The following ERBB4 variants were observed in gnomAD, a reference collection of about 807,000 sequenced individuals.
ERBB4 encodes the protein erb-b2 receptor tyrosine kinase 4, also known as receptor tyrosine-protein kinase erbB-4.
A neutral mutation model predicts 158.0 loss-of-function variants in ERBB4; 42 were observed. That is an observed-to-expected ratio of 0.27 (90% CI 0.21 to 0.34). ERBB4 has a LOEUF of 0.34. Among genes scored for constraint, ERBB4 ranks in the 10% least tolerant of loss-of-function variants. The pLI, the probability that ERBB4 is intolerant of heterozygous loss-of-function variation, is 1.00. For missense variants in ERBB4, 1,333 were observed against 1,624.1 expected (o/e 0.82, Z 3.08); for synonymous variants, 583 against 558.7 (o/e 1.04, Z -0.61).
At position 212,324,323 on chromosome 2, in the gene ERBB4, G is replaced by A. The variant is rs567871421; in HGVS notation, c.83-199420C>T. 2.0e-5 allele frequency among the ~76,000 whole-genome samples: 3 copies of A among 150,736 alleles called. No individual in the cohort carries two copies. In the South Asian group the frequency reaches 6.4e-4, roughly 32 times the overall value. ...GTCTCAGTTCAGACATTCACTTGGT[G>A]ATGATGTCATGGACTGAACCAAGAG... On this transcript the variant is annotated intron_variant, in intron 1 of 27. Transcript: ENST00000342788.
intron 2 of ERBB4, among the ~76,000 whole-genome samples, chr2:212,112,392 T>G (rs1485366663): frequency 6.6e-6 from 1 of 152,140 alleles, no homozygotes; most frequent in Non-Finnish European, 1.5e-5. Flanking sequence ...GTCCCCAAAT[T>G]TTGTGGCTCT....
chr2:212,365,566 G>A (rs1317357684), intron 1 of ERBB4, among the ~76,000 whole-genome samples: 2 of 151,658 alleles, frequency 1.3e-5, no homozygotes, highest in South Asian at 2.1e-4. Context: ...TTCATTTCAA[G>A]CCTAATTTTA....
At chr2:212,237,732 G>C (rs1221553543) in intron 1 of ERBB4, among the ~76,000 whole-genome samples, 1 of 152,212 alleles carries the variant, frequency 6.6e-6, no homozygotes, top group African/African-American at 2.4e-5. Context: ...TTATCTATAA[G>C]TCCCTGACTG....
intron 1 of ERBB4, among the ~76,000 whole-genome samples, chr2:212,331,073 C>CCCATA (rs2088137588): frequency 5.2e-5 from 1 of 19,192 alleles, no homozygotes; most frequent in Non-Finnish European, 2.2e-4. Context: ...TATATATATA[C>CCCATA]ACATATATAT....
intron 20 of ERBB4, among the ~76,000 whole-genome samples, chr2:211,469,869 C>T (rs1045594604): frequency 6.6e-6 from 1 of 151,978 alleles, no homozygotes; most frequent in African/African-American, 2.4e-5. Flanking sequence ...TCAAAGCCTC[C>T]CAGTGGGCAA....
chr2:211,465,216 C>A (rs2125511809), intron 20 of ERBB4, among the ~76,000 whole-genome samples: 1 of 152,158 alleles, frequency 6.6e-6, no homozygotes, highest in Admixed American at 6.6e-5. Flanking sequence ...CAAGGAAAAA[C>A]CACGTGGAGG....
intron 20 of ERBB4, among the ~76,000 whole-genome samples, chr2:211,456,489 C>G (rs1187841922): frequency 1.3e-5 from 2 of 152,106 alleles, no homozygotes; most frequent in African/African-American, 2.4e-5. Flanking sequence ...CAAATACCCA[C>G]TCATTTATTC....
intron 20 of ERBB4, among the ~76,000 whole-genome samples, chr2:211,460,883 T>C (rs539444875): frequency 2.0e-5 from 3 of 152,268 alleles, no homozygotes; most frequent in East Asian, 3.9e-4. Context: ...AAAGGTAACA[T>C]TGTTTCTTAA....
intron 24 of ERBB4, among the ~76,000 whole-genome samples, chr2:211,421,571 A>G (rs2063515513): frequency 6.6e-6 from 1 of 151,928 alleles, no homozygotes; most frequent in Admixed American, 6.6e-5. Flanking sequence ...ATATTTTAAA[A>G]TATTTTTGGG....
chr2:211,988,788 T>C (rs1047521828), intron 2 of ERBB4, among the ~76,000 whole-genome samples: 1 of 152,090 alleles, frequency 6.6e-6, no homozygotes, highest in Admixed American at 6.6e-5. Flanking sequence ...GCTACTTTTA[T>C]CAATCTTTGC....
At chr2:212,267,608 T>TTTTTTTTTC (rs1559885114) in intron 1 of ERBB4, among the ~76,000 whole-genome samples, 2 of 6,208 alleles carry the variant, frequency 3.2e-4, no homozygotes, top group East Asian at 3.2e-3. Flanking sequence ...TTTTTTTTTT[T>TTTTTTTTTC]TTTATTATAC....
At chr2:211,925,611 G>C (rs1559114069) in intron 3 of ERBB4, among the ~76,000 whole-genome samples, 1 of 151,818 alleles carries the variant, frequency 6.6e-6, no homozygotes, top group Non-Finnish European at 1.5e-5. Context: ...TCAAACTCCT[G>C]ACCTTGTGAT....
intron 20 of ERBB4, among the ~76,000 whole-genome samples, chr2:211,463,672 G>C (rs2064596962): frequency 6.7e-6 from 1 of 150,342 alleles, no homozygotes; most frequent in South Asian, 2.1e-4. Flanking sequence ...TCTCAGATCT[G>C]GGTAAAATTC....
chr2:212,058,229 G>A (rs1195532144), intron 2 of ERBB4, among the ~76,000 whole-genome samples: 1 of 152,146 alleles, frequency 6.6e-6, no homozygotes, highest in African/African-American at 2.4e-5. Flanking sequence ...ACCCTCCCAA[G>A]ACTAAACCAG....
chr2:211,717,670 A>G lies in ERBB4; in HGVS notation c.884-4022T>C, dbSNP rs188917571. 4.1e-3 allele frequency among the ~76,000 whole-genome samples: 569 copies of G among 139,312 alleles called. 2 individuals carry two copies. Among genetic ancestry groups the G allele is most frequent in the African/African-American group, 0.014 (538 of 38,200 alleles). The allele number at this position is 139,312 out of a possible 152,430, so 91.4% of individuals were successfully genotyped here. On this transcript the variant is annotated intron_variant, in intron 7 of 27. Transcript: ENST00000342788. The stretch of plus-strand genomic sequence containing the variant: ...ATGGTGAAACCCAGGCTCCACTAAA[A>G]ATACAAAAATTAGCTGGGCGTGGTG...
chr2:211,626,696 A>C, intron 17 of ERBB4, among the ~76,000 whole-genome samples: 1 of 152,036 alleles, frequency 6.6e-6, no homozygotes, highest in East Asian at 1.9e-4. Context: ...AGGCCGAGGC[A>C]GGCGGATCAC....
At chr2:211,916,685 G>C (rs758207591) in intron 3 of ERBB4, among the ~76,000 whole-genome samples, 2 of 151,986 alleles carry the variant, frequency 1.3e-5, no homozygotes, top group Non-Finnish European at 2.9e-5. Flanking sequence ...ACAGGATGTG[G>C]AACTCTTCTC....
intron 12 of ERBB4, among the ~76,000 whole-genome samples, chr2:211,697,430 T>C (rs2073066815): frequency 6.6e-6 from 1 of 152,168 alleles, no homozygotes; most frequent in African/African-American, 2.4e-5. Context: ...ATCTAGTCAC[T>C]TAACTATATA....
intron 20 of ERBB4, among the ~76,000 whole-genome samples, chr2:211,540,216 A>ACACT (rs1413001715): frequency 6.6e-6 from 1 of 151,234 alleles, no homozygotes; most frequent in African/African-American, 2.4e-5. Context: ...ACACACACAC[A>ACACT]TATATATAAT....
Sources: gnomAD v4.1 joint callset for allele counts (sites outside exome capture counted in the v4.1 genomes callset) on GRCh38, gnomAD v4.1.1 for gene constraint, MANE v1.5 for transcripts, NCBI Gene and HGNC (gene_info 2026-07-23, HGNC 2026-07-21) for gene names.